Variants in STARD9 observed in about 807,000 individuals in gnomAD.
The protein encoded by STARD9 is StAR related lipid transfer domain containing 9, also known as stAR-related lipid transfer protein 9.
A neutral mutation model predicts 399.8 loss-of-function variants in STARD9; 346 were observed. The ratio of observed to expected loss-of-function variants is 0.87; its 90% CI spans 0.79 to 0.95. The LOEUF (loss-of-function observed/expected upper bound fraction) is 0.95. Ranked by LOEUF, STARD9 falls within the 40% of genes least tolerant of loss-of-function variation. The pLI, the probability that STARD9 is intolerant of heterozygous loss-of-function variation, is 0.00. For synonymous variants in STARD9, 2,203 were observed against 2,143.5 expected (o/e 1.03, Z -0.77); for missense variants, 5,832 against 5,667.5 (o/e 1.03, Z -0.93).
At chr15:42,614,995 A>C (rs1417647978) in intron 3 of STARD9, among the ~76,000 whole-genome samples, 2 of 146,216 alleles carry the variant, frequency 1.4e-5, no homozygotes, top group African/African-American at 5.0e-5. Flanking sequence ...AGCAGTTCAT[A>C]AAGATATATA....
intron 1 of STARD9, among the ~76,000 whole-genome samples, chr15:42,577,314 C>A (rs371554273): frequency 6.6e-6 from 1 of 152,100 alleles, no homozygotes; most frequent in Admixed American, 6.5e-5. Context: ...CCACCATGCC[C>A]GGCTAATTTT....
rs775132749 is a variant in STARD9, at chr15:42,674,729, G to A, written c.1550-98G>A. 18 of 1,426,586 alleles carry A rather than the reference G, an allele frequency of 1.3e-5. No homozygotes were observed. The East Asian group carries it at 3.7e-4, about 30-fold the overall frequency. 88.4% of individuals were successfully genotyped at this position (1,426,586 alleles called of 1,614,324 possible). On this transcript the variant is annotated intron_variant, in intron 17 of 32. Transcript: ENST00000290607. ...CTCTTCCTCTTTTATTATGGTATGA[G>A]GTCTTCCAGATTTTGGATTCTGATC...
At chr15:42,695,658 G>C (rs185100037) in intron 25 of STARD9, 85 bp from the exon 26 acceptor site, 1 of 1,437,272 alleles carries the variant, frequency 7.0e-7, no homozygotes, top group Non-Finnish European at 9.3e-7. Context: ...GAGCAGGGAA[G>C]GGGTGGCTTT....
intron 12 of STARD9, 98 bp downstream of exon 12, chr15:42,663,588 G>A (rs1040356440): frequency 6.4e-6 from 4 of 625,448 alleles, no homozygotes; most frequent in Non-Finnish European, 8.4e-6. Context: ...AGCTGGATCT[G>A]TGTTGGGACT....
In STARD9 at chr15:42,638,694, C is replaced by G; in HGVS notation, c.447-6C>G. 1 of 1,519,994 alleles carries G rather than the reference C, an allele frequency of 6.6e-7. No individual in the cohort carries two copies. Among genetic ancestry groups the G allele is most frequent in the South Asian group, 1.2e-5 (1 of 81,548 alleles). The allele number at this position is 1,519,994 out of a possible 1,614,324, so 94.2% of individuals were successfully genotyped here. A position where few individuals can be genotyped will look rare whatever the true frequency, so the allele number is the denominator to read the frequency against. On this transcript the variant is annotated splice_region_variant and splice_polypyrimidine_tract_variant and intron_variant, in intron 6 of 32. Transcript: ENST00000290607. ...AATTATGTTGCCTTTTTCTACTTAACTCTAGTTTTCTAGAAATCTATAATG... is the reference window on the plus strand; with the variant it reads ...AATTATGTTGCCTTTTTCTACTTAAGTCTAGTTTTCTAGAAATCTATAATG...
intron 22 of STARD9, 81 bp downstream of exon 22, chr15:42,682,656 A>G: frequency 9.0e-7 from 1 of 1,111,350 alleles, no homozygotes; most frequent in Non-Finnish European, 1.3e-6. Flanking sequence ...GTTTTTCCCC[A>G]TGCCTCATTT....
intron 7 of STARD9, among the ~76,000 whole-genome samples, chr15:42,644,229 C>T (rs529614082): frequency 1.3e-5 from 2 of 152,246 alleles, no homozygotes; most frequent in African/African-American, 4.8e-5. Flanking sequence ...CATGGCGGCT[C>T]ACGCCTGTAA....
rs1357935509 is a variant in STARD9, at chr15:42,691,489, G to A, written c.9911G>A (p.Gly3304Asp). 33 of 1,537,090 alleles carry A rather than the reference G, an allele frequency of 2.1e-5. No individual in the cohort carries two copies. The highest frequency in any genetic ancestry group is 2.8e-5 in the Non-Finnish European group (32 of 1,146,894). ...GAGCAGCCAGCACCCAACCACAGGG[G>A]CTCACTTCCTGTGACTACAATCTTC... ...GREQPAPNHRGSLPVTTIFSG... is the reference protein window; with the variant it reads ...GREQPAPNHRDSLPVTTIFSG... Residue 3304 changes from glycine (G) to aspartate (D), a missense_variant, in exon 23 of 33, where the codon GGC (glycine) becomes GAC (aspartate). Transcript: ENST00000290607.
Position 42,678,258 on chromosome 15 carries a change from T to TTG in STARD9, c.1874+2289_1874+2290dup, listed in dbSNP as rs578201778. 1.3e-3 allele frequency among the ~76,000 whole-genome samples: 195 copies of TTG among 152,276 alleles called. 1 individual carries two copies. The highest frequency in any genetic ancestry group is 4.5e-3 in the African/African-American group (189 of 41,566). On this transcript the variant is annotated intron_variant, in intron 20 of 32. Transcript: ENST00000290607. ...CTGGGCTCCCAGTCTGGATTTGTGG[T>TTG]TGTGTGTCTACGAGTCTCTCCCTCT...
intron 26 of STARD9, among the ~76,000 whole-genome samples, chr15:42,714,229 ATT>A (rs2061310719): frequency 6.6e-6 from 1 of 151,584 alleles, no homozygotes; most frequent in African/African-American, 2.4e-5. Flanking sequence ...TGCCCGGCTA[ATT>A]TTTTTGTATT....
intron 1 of STARD9, 80 bp from the exon 2 acceptor site, chr15:42,583,266 G>T (rs532956585): frequency 9.9e-7 from 1 of 1,008,324 alleles, no homozygotes; most frequent in African/African-American, 1.6e-5. Context: ...GAAATATTTT[G>T]TCCCACTAGC....
chr15:42,694,780 T>G, intron 24 of STARD9, 55 bp downstream of exon 24: 1 of 1,447,672 alleles, frequency 6.9e-7, no homozygotes, highest in Non-Finnish European at 9.3e-7. Flanking sequence ...GAGGGGAGTA[T>G]GGGGAGCAGG....
chr15:42,703,367 G>T (rs1314755428), intron 26 of STARD9, among the ~76,000 whole-genome samples: 8 of 140,320 alleles, frequency 5.7e-5, no homozygotes, highest in Non-Finnish European at 1.1e-4. Flanking sequence ...TGTTTTGTTT[G>T]TTTTTTTTTT....
Position 42,688,223 on chromosome 15 carries a change from G to A in STARD9, c.6645G>A (p.Arg2215=), listed in dbSNP as rs1463567090. 3 of 1,537,510 alleles carry A rather than the reference G, an allele frequency of 2.0e-6. No homozygotes were observed. Among genetic ancestry groups the A allele is most frequent in the African/African-American group, 2.7e-5 (2 of 73,162 alleles). ...ALARALPLQP[R]LERSSKNNGQ... ...CTAGAGCTCTGCCATTGCAACCCAG[G>A]CTAGAGAGGTCTTCTAAGAATAATG... Residue 2215 remains arginine, a synonymous_variant, in exon 23 of 33, where the codon AGG becomes AGA. Transcript: ENST00000290607.
chr15:42,585,732 A>G lies in STARD9; in HGVS notation c.234+95A>G, dbSNP rs535325315. On this transcript the variant is annotated intron_variant, in intron 3 of 32. Coordinates refer to ENST00000290607, the MANE Select transcript of STARD9 (RefSeq NM_020759.3). ...TAAAGATACTTTGCAAGGTTAGTAT[A>G]GCACAGTTGTACAGATTGGAAGTAC... 154 of 785,764 alleles carry G rather than the reference A, an allele frequency of 2.0e-4. 1 individual carries two copies. The South Asian group carries it at 2.6e-3, about 13-fold the overall frequency. 48.7% of individuals were successfully genotyped at this position (785,764 alleles called of 1,614,324 possible).
At chr15:42,593,947 C>T (rs955022139) in intron 3 of STARD9, among the ~76,000 whole-genome samples, 5 of 151,812 alleles carry the variant, frequency 3.3e-5, no homozygotes, top group Admixed American at 1.3e-4. Context: ...GGATTACAGG[C>T]GTGAGCCACC....
intron 1 of STARD9, among the ~76,000 whole-genome samples, chr15:42,578,373 A>T (rs561038367): frequency 6.6e-6 from 1 of 152,268 alleles, no homozygotes; most frequent in African/African-American, 2.4e-5. Flanking sequence ...AAGTGCTGAG[A>T]TTATAGGCAT....
chr15:42,719,006 G>A, intron 32 of STARD9, 96 bp downstream of exon 32: 1 of 1,179,720 alleles, frequency 8.5e-7, no homozygotes, highest in Non-Finnish European at 1.2e-6. Context: ...ACCCTCCAGT[G>A]CCCAGGCCCT....
intron 26 of STARD9, among the ~76,000 whole-genome samples, chr15:42,703,235 T>C (rs1440989963): frequency 1.3e-5 from 2 of 152,214 alleles, no homozygotes; most frequent in African/African-American, 4.8e-5. Context: ...CCTCAATATT[T>C]ATATCTTTCT....
Sources: allele counts gnomAD v4.1 joint callset (sites outside exome capture counted in the v4.1 genomes callset), GRCh38; gene constraint gnomAD v4.1.1; transcripts MANE v1.5; gene names NCBI Gene and HGNC (gene_info 2026-07-23, HGNC 2026-07-21).